Variants in BRD4 observed in about 807,000 individuals in gnomAD.
The protein encoded by BRD4 is bromodomain-containing protein 4.
In BRD4, 16 loss-of-function variants were observed where a neutral mutation model predicts 142.1. The ratio of observed to expected loss-of-function variants is 0.11; its 90% CI spans 0.08 to 0.17. BRD4 has a LOEUF of 0.17. Ranked by LOEUF, BRD4 falls within the 10% of genes least tolerant of loss-of-function variation. The probability of loss-of-function intolerance (pLI) is 1.00; values close to 1 mark genes in which losing one functional copy is unlikely to be tolerated. For synonymous variants in BRD4, 833 were observed against 707.5 expected (o/e 1.18, Z -2.82); for missense variants, 1,424 against 1,810.9 (o/e 0.79, Z 3.88).
At chr19:15,249,402 T>C (rs2047320684) in intron 11 of BRD4, 1 of 1,576,248 alleles carries the variant, frequency 6.3e-7, no homozygotes, top group South Asian at 1.1e-5. Flanking sequence ...CCCTGGTGGC[T>C]GATGGGCACA....
intron 1 of BRD4, among the ~76,000 whole-genome samples, chr19:15,284,812 T>A (rs4808278): frequency 0.9 from 137,541 of 152,298 alleles, 62,416 homozygotes; most frequent in African/African-American, 0.98. Flanking sequence ...TTCAGACGAC[T>A]ACAGCTAAGG....
intron 5 of BRD4, 125 bp downstream of exon 5, chr19:15,265,229 G>C: frequency 2.0e-6 from 2 of 998,400 alleles, no homozygotes; most frequent in Non-Finnish European, 2.8e-6. Flanking sequence ...TTTCAACACA[G>C]CAAGATCTCC....
At chr19:15,283,686 G>T (rs1346261522) in intron 1 of BRD4, among the ~76,000 whole-genome samples, 2 of 152,212 alleles carry the variant, frequency 1.3e-5, no homozygotes, top group Admixed American at 6.5e-5. Flanking sequence ...AGTGGGAATG[G>T]TGACATTCCA....
chr19:15,312,698 G>C (rs1179652536), intron 1 of BRD4, among the ~76,000 whole-genome samples: 1 of 152,030 alleles, frequency 6.6e-6, no homozygotes, highest in African/African-American at 2.4e-5. Context: ...AACTTTGGGA[G>C]GCTGAGGTAG....
intron 1 of BRD4, among the ~76,000 whole-genome samples, chr19:15,289,476 T>C (rs1473107524): frequency 2.0e-5 from 3 of 151,978 alleles, no homozygotes; most frequent in African/African-American, 7.3e-5. Context: ...ACTTGAACCC[T>C]GGAGGCGGAG....
chr19:15,313,998 C>T (rs1359833322), intron 1 of BRD4, among the ~76,000 whole-genome samples: 2 of 152,168 alleles, frequency 1.3e-5, no homozygotes, highest in Non-Finnish European at 2.9e-5. Flanking sequence ...GCCTTAGGAA[C>T]TCAGGGGCTA....
chr19:15,266,725 G>C (rs1293437344), intron 4 of BRD4, among the ~76,000 whole-genome samples: 3 of 152,230 alleles, frequency 2.0e-5, no homozygotes, highest in Non-Finnish European at 4.4e-5. Context: ...GAGGCCAGGT[G>C]AAAGGCTGCT....
At chr19:15,302,575 A>G (rs1191201566) in intron 1 of BRD4, among the ~76,000 whole-genome samples, 1 of 139,972 alleles carries the variant, frequency 7.1e-6, no homozygotes. Flanking sequence ...AGGCTGAGGC[A>G]GGAGAATTGC....
chr19:15,287,765 A>C (rs541935887), intron 1 of BRD4, among the ~76,000 whole-genome samples: 11 of 146,578 alleles, frequency 7.5e-5, no homozygotes, highest in African/African-American at 1.5e-4. Flanking sequence ...ACATTGTAGC[A>C]CCTCTGAATT....
chr19:15,251,774 C>A (rs571422045), intron 11 of BRD4, among the ~76,000 whole-genome samples: 1 of 152,326 alleles, frequency 6.6e-6, no homozygotes, highest in East Asian at 1.9e-4. Context: ...AAGCACCCTG[C>A]CGGCCCACGA....
intron 1 of BRD4, among the ~76,000 whole-genome samples, chr19:15,316,104 C>T (rs1250529392): frequency 9.7e-5 from 13 of 133,534 alleles, no homozygotes; most frequent in African/African-American, 3.8e-4. Context: ...TGCAGTGAGC[C>T]GAGATCGCGC....
rs1363117298 is a variant in BRD4, at chr19:15,238,983, G to A, written c.3783-3C>T. On this transcript the variant is annotated splice_polypyrimidine_tract_variant and splice_region_variant and intron_variant, in intron 18 of 19. Transcript: ENST00000679869. This position sits in a 1 kb window ranked among gnomAD's most constrained non-coding sequence, Gnocchi z 7.2. ...GCGCATCCTCGTCCTCTCGGCTCCT[G>A]GGCAGAGGGTCCCAGTCAGCCTGGG... 2 of 1,582,594 alleles carry A rather than the reference G, an allele frequency of 1.3e-6. No homozygotes were observed. The highest frequency in any genetic ancestry group is 1.7e-6 in the Non-Finnish European group (2 of 1,166,086).
At position 15,235,792 on chromosome 19, in the gene BRD4, A is replaced by C. The variant is rs990049735; in HGVS notation, c.*2585T>G. ...GGAAATGGCTGGAGAAATTAAATAG[A>C]TCCCAGTTCTAATTACAACCCAGGT... On this transcript the variant is annotated 3_prime_UTR_variant, in exon 20 of 20. Coordinates refer to ENST00000679869, the MANE Select transcript of BRD4 (RefSeq NM_001379291.1). 6.6e-6 allele frequency: 1 copy of C among 152,210 alleles called. No individual in the cohort carries two copies. Among genetic ancestry groups the C allele is most frequent in the East Asian group, 1.9e-4 (1 of 5,196 alleles). 9.4% of individuals were successfully genotyped at this position (152,210 alleles called of 1,614,324 possible).
intron 1 of BRD4, among the ~76,000 whole-genome samples, chr19:15,290,349 T>C (rs2145665705): frequency 6.6e-6 from 1 of 152,314 alleles, no homozygotes; most frequent in Non-Finnish European, 1.5e-5. Flanking sequence ...GAATTTTTGA[T>C]GCGCCTCCAC....
At chr19:15,315,162 T>TCCCC (rs767651981) in intron 1 of BRD4, among the ~76,000 whole-genome samples, 46 of 152,004 alleles carry the variant, frequency 3.0e-4, no homozygotes, top group African/African-American at 1.1e-3. Context: ...GTTTTTTTTT[T>TCCCC]CCCCCCACAG....
chr19:15,282,122 T>C (rs935483130), intron 1 of BRD4, among the ~76,000 whole-genome samples: 4 of 152,220 alleles, frequency 2.6e-5, no homozygotes, highest in African/African-American at 7.2e-5. Context: ...AGAGCAAATA[T>C]TGTCAGCTGT....
chr19:15,238,301 C>T lies in BRD4; in HGVS notation c.*76G>A, dbSNP rs200092853. ...GGCATCCCCTGGCCGCTGATCCCAC[C>T]TCCACCACCGCCCCTAACACTATGG... On this transcript the variant is annotated 3_prime_UTR_variant, in exon 20 of 20. Transcript: ENST00000679869. This position sits in a 1 kb window ranked among gnomAD's most constrained non-coding sequence, Gnocchi z 7.2. 2.5e-5 allele frequency: 40 copies of T among 1,596,294 alleles called. No individual in the cohort carries two copies. Among genetic ancestry groups the T allele is most frequent in the Non-Finnish European group, 3.3e-5 (39 of 1,169,878 alleles).
In BRD4 at chr19:15,305,215, G is replaced by T. The variant is rs552966188; in HGVS notation, c.-35+27075C>A. Among the ~76,000 whole-genome samples, 8 of 152,036 alleles carry T rather than the reference G, an allele frequency of 5.3e-5. No individual in the cohort carries two copies. The East Asian group carries it at 1.6e-3, about 30-fold the overall frequency. Reference sequence around the variant, plus strand: ...GGAGCCACCACGCCTGGCTAATTTTGTATTTTTAGTAGGGACAGGGTTTCT... The same window carrying T: ...GGAGCCACCACGCCTGGCTAATTTTTTATTTTTAGTAGGGACAGGGTTTCT... On this transcript the variant is annotated intron_variant, in intron 1 of 19. Transcript: ENST00000679869.
chr19:15,309,133 A>T (rs1157447798), intron 1 of BRD4, among the ~76,000 whole-genome samples: 1 of 151,742 alleles, frequency 6.6e-6, no homozygotes, highest in Non-Finnish European at 1.5e-5. Context: ...TCAGATCAAG[A>T]CCATCCTGGC....
Sources: allele counts gnomAD v4.1 joint callset (sites outside exome capture counted in the v4.1 genomes callset), GRCh38; gene constraint gnomAD v4.1.1; non-coding constraint Gnocchi (gnomAD v3.1); transcripts MANE v1.5; gene names NCBI Gene and HGNC (gene_info 2026-07-23, HGNC 2026-07-21).